The following PDCL3 variants were observed in gnomAD, a reference collection of about 807,000 sequenced individuals.
PDCL3 encodes the protein phosducin like 3.
In PDCL3, 22 loss-of-function variants were observed where a neutral mutation model predicts 26.5. The observed-to-expected ratio is 0.83, with a 90% CI of 0.59 to 1.19. PDCL3 has a LOEUF of 1.19. Ranked by LOEUF, PDCL3 falls within the 50% of genes most tolerant of loss-of-function variation. The probability of loss-of-function intolerance (pLI) is 0.00; values close to 1 mark genes in which losing one functional copy is unlikely to be tolerated. For synonymous variants in PDCL3, 81 were observed against 104.9 expected (o/e 0.77, Z 1.39); for missense variants, 246 against 294.1 (o/e 0.84, Z 1.20).
intron 4 of PDCL3, among the ~76,000 whole-genome samples, chr2:100,569,982 CG>C (rs1675136019): frequency 6.6e-6 from 1 of 151,994 alleles, no homozygotes; most frequent in Non-Finnish European, 1.5e-5. Flanking sequence ...TGGTCGCGGG[CG>C]CCTATAGTCC....
In PDCL3 at chr2:100,566,611, AT is replaced by A. The variant is rs1341547377; in HGVS notation, c.116del (p.Ile39ThrfsTer7). The A allele has an allele frequency of 6.2e-7, 1 of 1,613,914 alleles. No individual in the cohort carries two copies. The highest frequency in any genetic ancestry group is 2.2e-5 in the East Asian group (1 of 44,874). On this transcript the variant is annotated frameshift_variant, in exon 2 of 6. Transcript: ENST00000264254. LOFTEE classifies it high-confidence loss of function. ...LEEEAEEEQR[I>X]LQQSVVKTYE... The stretch of plus-strand genomic sequence containing the variant: ...AGAGGAGGCAGAAGAGGAGCAGCGC[AT>A]CCTCCAGCAGTCAGTGGGTGAGTTC...
rs754558524 is a variant in PDCL3 at position 100,566,510 on chromosome 2, A to G, written c.14A>G (p.Asn5Ser). ...TTGGTCCCGCTCTTCTAGGACCCCAACGCAGACACTGAATGGAATGACATC... is the reference window on the plus strand; with the variant it reads ...TTGGTCCCGCTCTTCTAGGACCCCAGCGCAGACACTGAATGGAATGACATC... Reference protein sequence around the residue: MQDPNADTEWNDILR... With the variant: MQDPSADTEWNDILR... Residue 5 changes from asparagine to serine, a missense_variant, in exon 2 of 6, where the codon AAC becomes AGC. By Grantham distance (46) the Asn-to-Ser change is conservative (BLOSUM62 1). Transcript: ENST00000264254. 8.7e-6 allele frequency: 14 copies of G among 1,612,294 alleles called. 1 individual carries two copies. Among genetic ancestry groups the G allele is most frequent in the African/African-American group, 2.7e-5 (2 of 74,982 alleles).
At position 100,563,021 on chromosome 2, in the gene PDCL3, G is replaced by A. The variant is rs746043855; in HGVS notation, c.-47G>A. On this transcript the variant is annotated 5_prime_UTR_variant, in exon 1 of 6. Coordinates refer to ENST00000264254, the MANE Select transcript of PDCL3 (RefSeq NM_024065.5). ...CGTGCACAAAAGAGAGCTGAGGGGC[G>A]GGGGCGCTGCGGCACAGCTGGTTTG... is the stretch of plus-strand genomic sequence containing the variant. 28 of 1,584,316 alleles carry A rather than the reference G, an allele frequency of 1.8e-5. No individual in the cohort carries two copies. The highest frequency in any genetic ancestry group is 2.4e-5 in the Non-Finnish European group (28 of 1,165,986).
chr2:100,563,915 G>GTT (rs373590264), intron 1 of PDCL3, among the ~76,000 whole-genome samples: 3,039 of 140,586 alleles, frequency 0.022, 47 homozygotes, highest in East Asian at 0.029. Context: ...GCCAGACACT[G>GTT]TTTTTTTTTT....
chr2:100,575,383 C>T (rs1344535437), intron 5 of PDCL3, among the ~76,000 whole-genome samples: 1 of 152,208 alleles, frequency 6.6e-6, no homozygotes, highest in Non-Finnish European at 1.5e-5. Flanking sequence ...GATCCGCCCA[C>T]CTTGGCCTCC....
chr2:100,567,580 C>T (rs964984943), intron 2 of PDCL3, among the ~76,000 whole-genome samples: 2 of 152,026 alleles, frequency 1.3e-5, no homozygotes, highest in Non-Finnish European at 2.9e-5. Flanking sequence ...TTGAATAGAC[C>T]TGAGGGAGTT....
chr2:100,568,118 G>A (rs1675094101), intron 2 of PDCL3, among the ~76,000 whole-genome samples: 1 of 152,114 alleles, frequency 6.6e-6, no homozygotes, highest in East Asian at 1.9e-4. Flanking sequence ...CCCAGCCAAG[G>A]GATGCATTAA....
rs1389217416 is a variant in PDCL3 at position 100,563,052 on chromosome 2, C to T, written c.-16C>T. ...GCTGCGGCACAGCTGGTTTGAGCAA[C>T]TGAACTGGAAACAAGATGCAGGTGA... On this transcript the variant is annotated 5_prime_UTR_variant, in exon 1 of 6. Coordinates refer to ENST00000264254, the MANE Select transcript of PDCL3 (RefSeq NM_024065.5). 1.9e-6 allele frequency: 3 copies of T among 1,603,004 alleles called. No homozygotes were observed. Among genetic ancestry groups the T allele is most frequent in the East Asian group, 2.2e-5 (1 of 44,462 alleles).
At chr2:100,564,273 G>C (rs1329843320) in intron 1 of PDCL3, among the ~76,000 whole-genome samples, 1 of 149,056 alleles carries the variant, frequency 6.7e-6, no homozygotes, top group Non-Finnish European at 1.5e-5. Context: ...CCTGTAGAAA[G>C]GATTCTGCTC....
At position 100,571,811 on chromosome 2, in the gene PDCL3, G is replaced by A. The variant is rs1036397438; in HGVS notation, c.577+13G>A. 5 of 1,613,416 alleles carry A rather than the reference G, an allele frequency of 3.1e-6. No homozygotes were observed. The highest frequency in any genetic ancestry group is 1.7e-5 in the Admixed American group (1 of 60,004). ...CTGACAAGAGATGGTAAGGGCTCTG[G>A]GAGACAGGCGGGGCAGTGAGAGATG... is the stretch of plus-strand genomic sequence containing the variant. On this transcript the variant is annotated intron_variant, in intron 5 of 5. Transcript: ENST00000264254.
chr2:100,569,769 G>A (rs376233903), intron 4 of PDCL3, 48 bp downstream of exon 4: 15 of 1,583,138 alleles, frequency 9.5e-6, no homozygotes, highest in Non-Finnish European at 1.1e-5. Context: ...TTGAATTTAT[G>A]TCTTCAGGAT....
In PDCL3 at chr2:100,576,506, T is replaced by TTC; in HGVS notation, c.*12_*13dup. The TTC allele has an allele frequency of 6.4e-7, 1 of 1,566,460 alleles. No individual in the cohort carries two copies. Among genetic ancestry groups the TTC allele is most frequent in the Non-Finnish European group, 8.7e-7 (1 of 1,154,880 alleles). On this transcript the variant is annotated 3_prime_UTR_variant, in exon 6 of 6. Transcript: ENST00000264254. ...TTCCGAGGGTGACTGAGGCTACAGC[T>TTC]TCTATCACATGCCGAACTTTCTTGT...
chr2:100,565,744 T>C (rs1020566985), intron 1 of PDCL3, among the ~76,000 whole-genome samples: 2 of 152,156 alleles, frequency 1.3e-5, no homozygotes, highest in African/African-American at 4.8e-5. Flanking sequence ...CAATTTTATC[T>C]CTCTATGTAT....
At chr2:100,565,093 C>G (rs1181179206) in intron 1 of PDCL3, among the ~76,000 whole-genome samples, 1 of 152,132 alleles carries the variant, frequency 6.6e-6, no homozygotes, top group Non-Finnish European at 1.5e-5. Flanking sequence ...GCCGCTCTGC[C>G]TGGAAGATTA....
intron 5 of PDCL3, among the ~76,000 whole-genome samples, chr2:100,575,917 C>T (rs532598445): frequency 3.3e-5 from 5 of 152,206 alleles, no homozygotes; most frequent in South Asian, 4.1e-4. Flanking sequence ...ATTTTTGAGA[C>T]AGGGTCTCGC....
chr2:100,568,783 TGTG>T (rs1675105561), intron 2 of PDCL3, 145 bp from the exon 3 acceptor site: 1 of 639,268 alleles, frequency 1.6e-6, no homozygotes, highest in Non-Finnish European at 2.8e-6. Flanking sequence ...TCTAATGTAG[TGTG>T]GTGCCTTAAG....
intron 1 of PDCL3, chr2:100,563,305 C>G (rs1261869590): frequency 4.0e-6 from 2 of 494,776 alleles, no homozygotes; most frequent in Non-Finnish European, 7.1e-6. Context: ...AAACCTCGTC[C>G]TCCGGGACTA....
intron 3 of PDCL3, 82 bp downstream of exon 3, chr2:100,569,103 T>A: frequency 6.5e-6 from 8 of 1,230,560 alleles, no homozygotes; most frequent in Non-Finnish European, 8.2e-6. Context: ...GGCAATAAAA[T>A]GTGTGGGCTG....
At chr2:100,570,763 G>A (rs13387441) in intron 4 of PDCL3, among the ~76,000 whole-genome samples, 100,460 of 151,798 alleles carry the variant, frequency 0.66, 35,607 homozygotes, top group East Asian at 1. Context: ...GGCGTTAGCC[G>A]CTGCACCTGG....
Sources: allele counts gnomAD v4.1 joint callset (sites outside exome capture counted in the v4.1 genomes callset), GRCh38; gene constraint gnomAD v4.1.1; transcripts MANE v1.5; gene names NCBI Gene and HGNC (gene_info 2026-07-23, HGNC 2026-07-21).